CPNE5: variants seen among roughly 807,000 people sequenced by gnomAD.
The protein encoded by CPNE5 is copine-5.
In CPNE5, 42 loss-of-function variants were observed where a neutral mutation model predicts 81.1. The ratio of observed to expected loss-of-function variants is 0.52; its 90% confidence interval spans 0.40 to 0.67. The LOEUF (loss-of-function observed/expected upper bound fraction) is 0.67, where lower values mean the gene tolerates loss of function less well. Among genes scored for constraint, CPNE5 ranks in the 30% least tolerant of loss-of-function variants. CPNE5 has a pLI of 0.00. For missense variants in CPNE5, 612 were observed against 815.5 expected (o/e 0.75, Z 3.04); for synonymous variants, 313 against 321.5 (o/e 0.97, Z 0.28).
At chr6:36,813,173 T>G (rs966404675) in intron 3 of CPNE5, among the ~76,000 whole-genome samples, 1 of 152,256 alleles carries the variant, frequency 6.6e-6, no homozygotes, top group Non-Finnish European at 1.5e-5. Flanking sequence ...CAGTCCACTC[T>G]GCACACAGTG....
At chr6:36,765,974 T>C (rs1279631535) in intron 10 of CPNE5, among the ~76,000 whole-genome samples, 1 of 152,176 alleles carries the variant, frequency 6.6e-6, no homozygotes, top group Non-Finnish European at 1.5e-5. Flanking sequence ...TTGTTTTGAC[T>C]CCTATGCATG....
chr6:36,743,575 C>T, intron 20 of CPNE5, 114 bp downstream of exon 20: 1 of 1,027,196 alleles, frequency 9.7e-7, no homozygotes, highest in Non-Finnish European at 1.5e-6. Flanking sequence ...TTTGGGGCTC[C>T]CAGTGCCTCC....
chr6:36,827,273 C>T, intron 1 of CPNE5: 1 of 962,792 alleles, frequency 1.0e-6, no homozygotes, highest in South Asian at 4.8e-5. Context: ...TCCGTCCATC[C>T]CTCTCCCTAA....
chr6:36,789,096 T>C (rs1462342952), intron 8 of CPNE5, among the ~76,000 whole-genome samples: 1 of 152,260 alleles, frequency 6.6e-6, no homozygotes, highest in Non-Finnish European at 1.5e-5. Context: ...TTCAGCCAGA[T>C]GCTGGGAATT....
At chr6:36,824,440 G>T (rs1261285935) in intron 1 of CPNE5, among the ~76,000 whole-genome samples, 2 of 152,146 alleles carry the variant, frequency 1.3e-5, no homozygotes, top group Non-Finnish European at 2.9e-5. Context: ...CTGCCTGTGC[G>T]GCTACTCCTG....
At chr6:36,765,547 T>C (rs1766486837) in intron 10 of CPNE5, among the ~76,000 whole-genome samples, 171 bp from the exon 11 acceptor site, 1 of 151,610 alleles carries the variant, frequency 6.6e-6, no homozygotes, top group African/African-American at 2.4e-5. Flanking sequence ...TCTTGAGGCC[T>C]TTTAGGAAAG....
intron 8 of CPNE5, among the ~76,000 whole-genome samples, chr6:36,782,068 A>G (rs1768076754): frequency 6.6e-6 from 1 of 152,196 alleles, no homozygotes; most frequent in South Asian, 2.1e-4. Context: ...TAAGCTGAGC[A>G]GTAGGTGCCA....
chr6:36,794,526 GC>G (rs1769393653), intron 7 of CPNE5, 63 bp downstream of exon 7: 3 of 1,467,508 alleles, frequency 2.0e-6, no homozygotes, highest in Non-Finnish European at 2.9e-6. Context: ...AGACTCTGAG[GC>G]CCCCTTTGCA....
intron 12 of CPNE5, among the ~76,000 whole-genome samples, chr6:36,762,227 CAA>C (rs57426698): frequency 4.1e-5 from 5 of 122,924 alleles, no homozygotes; most frequent in Admixed American, 8.6e-5. Context: ...GGCCCTGTCT[CAA>C]AAAAAAAAAA....
At chr6:36,777,756 C>T (rs1383342118) in intron 9 of CPNE5, among the ~76,000 whole-genome samples, 5 of 50,730 alleles carry the variant, frequency 9.9e-5, no homozygotes, top group African/African-American at 5.5e-4. Context: ...CCTGCCTACC[C>T]CCCCCCCCAC....
At chr6:36,798,371 C>G in intron 5 of CPNE5, 84 bp downstream of exon 5, 1 of 1,527,752 alleles carries the variant, frequency 6.5e-7, no homozygotes, top group African/African-American at 1.4e-5. Context: ...GACACACATT[C>G]CATCACAGCA....
At position 36,756,305 on chromosome 6, in the gene CPNE5, G is replaced by GA; in HGVS notation, c.856-8dup. ...TCTTTTTCGGGTTTACCACCTGCAG[G>GA]AAAAACCAGTTACCAGGTAAGGCAT... On this transcript the variant is annotated splice_region_variant and splice_polypyrimidine_tract_variant and intron_variant, in intron 12 of 20. Transcript: ENST00000244751. The GA allele has an allele frequency of 6.2e-7, 1 of 1,613,500 alleles. No individual in the cohort carries two copies. The highest frequency in any genetic ancestry group is 8.5e-7 in the Non-Finnish European group (1 of 1,179,696).
intron 13 of CPNE5, 84 bp downstream of exon 13, chr6:36,756,161 G>C: frequency 3.2e-6 from 3 of 945,380 alleles, no homozygotes; most frequent in Non-Finnish European, 4.6e-6. Flanking sequence ...CACACACACA[G>C]ACGCACGGGC....
chr6:36,804,237 T>A (rs1251150499), intron 3 of CPNE5, among the ~76,000 whole-genome samples: 1 of 152,108 alleles, frequency 6.6e-6, no homozygotes, highest in African/African-American at 2.4e-5. Context: ...ATTATGAAAA[T>A]CAAATAAAGA....
chr6:36,757,179 C>T, intron 12 of CPNE5: 1 of 284,580 alleles, frequency 3.5e-6, no homozygotes, highest in Non-Finnish European at 5.3e-6. Flanking sequence ...TATTTGTATT[C>T]TCATTTGACC....
At chr6:36,817,894 G>A (rs1216603499) in intron 3 of CPNE5, among the ~76,000 whole-genome samples, 1 of 152,178 alleles carries the variant, frequency 6.6e-6, no homozygotes, top group Non-Finnish European at 1.5e-5. Flanking sequence ...GCCTGGAGTA[G>A]TAATGGCTCC....
At chr6:36,752,772 C>T (rs1562095505) in intron 14 of CPNE5, among the ~76,000 whole-genome samples, 1 of 152,234 alleles carries the variant, frequency 6.6e-6, no homozygotes. Flanking sequence ...GCTCCAGGTC[C>T]TGTCTCTGCA....
chr6:36,813,207 T>C (rs1029652368), intron 3 of CPNE5, among the ~76,000 whole-genome samples: 4 of 152,170 alleles, frequency 2.6e-5, no homozygotes, highest in African/African-American at 9.7e-5. Flanking sequence ...TTCTGAAACA[T>C]AAACCAGGTT....
chr6:36,837,671 G>A (rs1773637625), intron 1 of CPNE5, among the ~76,000 whole-genome samples: 1 of 152,170 alleles, frequency 6.6e-6, no homozygotes, highest in African/African-American at 2.4e-5. Flanking sequence ...CTGAAAGTGG[G>A]GAGCGTGAGG....
Sources: allele counts gnomAD v4.1 joint callset (sites outside exome capture counted in the v4.1 genomes callset), GRCh38; gene constraint gnomAD v4.1.1; transcripts MANE v1.5; gene names NCBI Gene and HGNC (gene_info 2026-07-23, HGNC 2026-07-21).